Variants in SPTLC3 observed in about 807,000 individuals in gnomAD.
SPTLC3 encodes the protein serine palmitoyltransferase 3.
In SPTLC3, 36 loss-of-function variants were observed where a neutral mutation model predicts 59.3. That is an observed-to-expected ratio of 0.61 (90% CI 0.47 to 0.80). The LOEUF is 0.80. SPTLC3 is among the 30% of genes least tolerant of loss of function. The pLI is 0.00. For missense variants in SPTLC3, 625 were observed against 685.1 expected, an observed-to-expected ratio of 0.91 and a Z score of 0.98; for synonymous variants, 257 against 240.8, an observed-to-expected ratio of 1.07 and a Z score of -0.62.
intron 1 of SPTLC3, among the ~76,000 whole-genome samples, chr20:13,011,305 G>A (rs1472642537): frequency 6.6e-6 from 1 of 152,136 alleles, no homozygotes; most frequent in Non-Finnish European, 1.5e-5. Flanking sequence ...CCTTGCCTGT[G>A]GATAGAAGCA....
In SPTLC3 at chr20:13,117,649, C is replaced by T. The variant is rs1183158013; in HGVS notation, c.1076C>T (p.Pro359Leu). 3 of 1,613,966 alleles carry T rather than the reference C, an allele frequency of 1.9e-6. No homozygotes were observed. Among genetic ancestry groups the T allele is most frequent in the East Asian group, 4.5e-5 (2 of 44,878 alleles). ...RGVTEFFGLD[P>L]HEVDVLMGTF... ...GTCACGGAGTTCTTTGGACTAGACC[C>T]TCATGAAGTTGATGTGCTCATGGGC... Residue 359 changes from proline to leucine, a missense_variant, in exon 8 of 12, where the codon CCT becomes CTT. Coordinates refer to ENST00000399002, the MANE Select transcript of SPTLC3 (RefSeq NM_018327.4).
intron 1 of SPTLC3, among the ~76,000 whole-genome samples, chr20:13,032,356 C>T (rs1157090492): frequency 3.3e-5 from 5 of 152,188 alleles, no homozygotes; most frequent in African/African-American, 1.2e-4. Flanking sequence ...TATTTCTGCC[C>T]TGCATTTCTT....
chr20:13,028,583 A>G (rs769932576), intron 1 of SPTLC3, among the ~76,000 whole-genome samples: 1 of 152,152 alleles, frequency 6.6e-6, no homozygotes, highest in African/African-American at 2.4e-5. Context: ...TTACACATAT[A>G]TATCATTTTT....
At chr20:13,086,801 C>CT (rs1258011632) in intron 4 of SPTLC3, among the ~76,000 whole-genome samples, 2 of 151,722 alleles carry the variant, frequency 1.3e-5, no homozygotes, top group Non-Finnish European at 2.9e-5. Context: ...TTCTTTTCTT[C>CT]TTTTTTTCCC....
Position 13,009,015 on chromosome 20 carries a change from C to T in SPTLC3, c.-253C>T, listed in dbSNP as rs189662. On this transcript the variant is annotated 5_prime_UTR_variant, in exon 1 of 12. Coordinates refer to ENST00000399002, the MANE Select transcript of SPTLC3 (RefSeq NM_018327.4). ...GCATGGACAATCTCCTTTACAGTTT[C>T]GGAAGCAGGTTTGTTGCCATGGAGT... 63,490 of 369,438 alleles carry T rather than the reference C, an allele frequency of 0.17. 8,694 individuals carry two copies. The highest frequency in any genetic ancestry group is 0.5 in the African/African-American group (23,475 of 47,154). The allele number at this position is 369,438 out of a possible 1,614,324, so 22.9% of individuals were successfully genotyped here.
intron 4 of SPTLC3, 118 bp downstream of exon 4, chr20:13,074,615 G>GA: frequency 8.7e-7 from 1 of 1,148,790 alleles, no homozygotes; most frequent in South Asian, 2.2e-5. Flanking sequence ...ATAAACTGCA[G>GA]AAAGAAAAAA....
At chr20:13,099,045 C>T (rs1362923457) in intron 6 of SPTLC3, among the ~76,000 whole-genome samples, 1 of 152,104 alleles carries the variant, frequency 6.6e-6, no homozygotes, top group Non-Finnish European at 1.5e-5. Context: ...ATCCCCAGAA[C>T]CTACAAACAT....
chr20:13,115,518 C>T (rs1024514343), intron 7 of SPTLC3, among the ~76,000 whole-genome samples: 7 of 152,060 alleles, frequency 4.6e-5, no homozygotes, highest in Non-Finnish European at 7.3e-5. Context: ...AAAAAAATGG[C>T]TATTTGTGGC....
chr20:13,059,671 G>T (rs1987872606), intron 2 of SPTLC3, among the ~76,000 whole-genome samples: 1 of 152,124 alleles, frequency 6.6e-6, no homozygotes, highest in South Asian at 2.1e-4. Flanking sequence ...CATTGTAGCT[G>T]TTCTGCCCCA....
At chr20:13,079,793 G>T (rs1988776233) in intron 4 of SPTLC3, 1 of 469,064 alleles carries the variant, frequency 2.1e-6, no homozygotes, top group African/African-American at 2.0e-5. Flanking sequence ...TGTGGGAGGG[G>T]TCTTGCAAGC....
intron 10 of SPTLC3, among the ~76,000 whole-genome samples, chr20:13,156,561 T>A (rs1382690196): frequency 6.6e-6 from 1 of 152,230 alleles, no homozygotes; most frequent in African/African-American, 2.4e-5. Context: ...TATGATAGTA[T>A]CTTATTTCAT....
At chr20:13,136,506 G>T (rs1568621605) in intron 9 of SPTLC3, among the ~76,000 whole-genome samples, 1 of 151,570 alleles carries the variant, frequency 6.6e-6, no homozygotes, top group East Asian at 1.9e-4. Context: ...AGGAAGTGGT[G>T]GGAGGATCAC....
intron 9 of SPTLC3, among the ~76,000 whole-genome samples, chr20:13,127,003 C>T (rs753562892): frequency 1.8e-4 from 28 of 152,342 alleles, no homozygotes; most frequent in Admixed American, 7.8e-4. Context: ...TGTGTGTGCG[C>T]GCACGTGAGC....
intron 8 of SPTLC3, among the ~76,000 whole-genome samples, chr20:13,121,438 C>G (rs529267036): frequency 6.6e-6 from 1 of 152,276 alleles, no homozygotes; most frequent in South Asian, 2.1e-4. Flanking sequence ...GGAGTGAGCT[C>G]TAAGATGTTT....
At chr20:13,108,535 T>C (rs1990038063) in intron 6 of SPTLC3, among the ~76,000 whole-genome samples, 1 of 152,204 alleles carries the variant, frequency 6.6e-6, no homozygotes, top group Admixed American at 6.5e-5. Flanking sequence ...GCTTTGTCTG[T>C]AGTGGTCAAA....
intron 7 of SPTLC3, among the ~76,000 whole-genome samples, chr20:13,115,562 C>T (rs962593924): frequency 1.3e-5 from 2 of 152,092 alleles, no homozygotes; most frequent in African/African-American, 4.8e-5. Flanking sequence ...GTGTTACCAA[C>T]TTATAACATT....
At chr20:13,126,546 T>C (rs1262421065) in intron 8 of SPTLC3, 45 bp from the exon 9 acceptor site, 1 of 1,588,358 alleles carries the variant, frequency 6.3e-7, no homozygotes, top group African/African-American at 1.3e-5. Context: ...CCACCAGTGT[T>C]GAGATTTATT....
At chr20:13,153,061 C>A (rs2038685757) in intron 9 of SPTLC3, among the ~76,000 whole-genome samples, 1 of 152,176 alleles carries the variant, frequency 6.6e-6, no homozygotes, top group South Asian at 2.1e-4. Context: ...CACATTCCTG[C>A]CGAACAGCAA....
In SPTLC3 at chr20:13,163,142, C is replaced by T. The variant is rs1372700303; in HGVS notation, c.1546-1612C>T. On this transcript the variant is annotated intron_variant, in intron 11 of 11. Transcript: ENST00000399002. ...CAGCACTTTGGGAGGTTGAGGTGGG[C>T]GGATGACCTGAGGTCAGGAGTTCGA... 8.6e-5 allele frequency among the ~76,000 whole-genome samples: 13 copies of T among 151,996 alleles called. No homozygotes were observed. In the East Asian group the frequency reaches 9.7e-4, roughly 11 times the overall value.
Sources: allele counts gnomAD v4.1 joint callset (sites outside exome capture counted in the v4.1 genomes callset), GRCh38; gene constraint gnomAD v4.1.1; transcripts MANE v1.5; gene names NCBI Gene and HGNC (gene_info 2026-07-23, HGNC 2026-07-21).